NLRC3: variants seen among roughly 807,000 people sequenced by gnomAD.
NLRC3 encodes NLR family CARD domain containing 3.
A neutral mutation model predicts 91.6 loss-of-function variants in NLRC3; 87 were observed. The observed-to-expected ratio is 0.95, with a 90% CI of 0.80 to 1.14. NLRC3 has a LOEUF of 1.14. Ranked by LOEUF, NLRC3 falls within the 50% of genes most tolerant of loss-of-function variation. The probability of loss-of-function intolerance (pLI) is 0.00; values close to 1 mark genes in which losing one functional copy is unlikely to be tolerated. For synonymous variants in NLRC3, 694 were observed against 625.3 expected, an observed-to-expected ratio of 1.11 and a Z score of -1.64; for missense variants, 1,577 against 1,418.6, an observed-to-expected ratio of 1.11 and a Z score of -1.79.
rs1312049308 is a variant in NLRC3, at chr16:3,552,069, C to G, written c.2351+127G>C. The G allele has an allele frequency of 7.7e-6, 5 of 647,004 alleles. No homozygotes were observed. In the African/African-American group the frequency reaches 9.0e-5, roughly 12 times the overall value. 40.1% of individuals were successfully genotyped at this position (647,004 alleles called of 1,614,324 possible). ...CCTAGTCACCCATCCATCCATCCACCCACCCATCCATCCATTCACCTATCC... is the reference window on the plus strand; with the variant it reads ...CCTAGTCACCCATCCATCCATCCACGCACCCATCCATCCATTCACCTATCC... On this transcript the variant is annotated intron_variant, in intron 10 of 19. Coordinates refer to ENST00000359128, the MANE Select transcript of NLRC3 (RefSeq NM_178844.4).
chr16:3,568,731 GA>G (rs1231536184), intron 1 of NLRC3, among the ~76,000 whole-genome samples: 4 of 150,694 alleles, frequency 2.7e-5, no homozygotes, highest in Non-Finnish European at 5.9e-5. Flanking sequence ...TGTCTTAGGA[GA>G]AAAAAAAAGA....
chr16:3,574,007 CTTTTTTTTTTTTTTT>C (rs35126359), intron 1 of NLRC3, among the ~76,000 whole-genome samples: 8 of 40,412 alleles, frequency 2.0e-4, no homozygotes, highest in East Asian at 2.3e-3. Flanking sequence ...ACCATTTTAT[CTTTTTTTTTTTTTTT>C]TTTTTTTTTT....
intron 8 of NLRC3, among the ~76,000 whole-genome samples, chr16:3,554,556 G>C (rs922393500): frequency 6.6e-6 from 1 of 152,232 alleles, no homozygotes; most frequent in Non-Finnish European, 1.5e-5. Flanking sequence ...AGGTGCTTCT[G>C]CTCTCTGAAT....
In NLRC3 at chr16:3,541,887, C is replaced by G. The variant is rs368331294; in HGVS notation, c.3136G>C (p.Gly1046Arg). ...NLQGNHIGDS[G>R]ARMISEAIKT... Reference sequence around the variant, plus strand: ...ATGGCCTCTGAGATCATCCTGGCCCCGGAGTCCCCAATGTGGTTTCCCTGG... The same window carrying G: ...ATGGCCTCTGAGATCATCCTGGCCCGGGAGTCCCCAATGTGGTTTCCCTGG... The change falls in exon 20 of 20, where the codon GGG becomes CGG. Residue 1046 changes from glycine (G) to arginine (R), a missense_variant. By Grantham distance (125) the Gly-to-Arg change is moderately radical. Coordinates refer to ENST00000359128, the MANE Select transcript of NLRC3 (RefSeq NM_178844.4). The G allele has an allele frequency of 1.2e-6, 2 of 1,611,580 alleles. No homozygotes were observed. The highest frequency in any genetic ancestry group is 1.7e-6 in the Non-Finnish European group (2 of 1,178,392).
At chr16:3,562,508 G>A (rs771546681) in intron 5 of NLRC3, among the ~76,000 whole-genome samples, 96 of 152,266 alleles carry the variant, frequency 6.3e-4, no homozygotes, top group Non-Finnish European at 1.1e-3. Flanking sequence ...AGGCATGATG[G>A]CGGGCACCTG....
chr16:3,548,690 G>A lies in NLRC3; in HGVS notation c.2667C>T (p.Asn889=). ...CTCACTGAAGGGAGGTGAGGGTGCG[G>A]TTTTCTCTCACTGCCACTGCGATGG... ...ARAIAVAVRE[N]RTLTSLHLQW... Residue 889 remains asparagine (N), a synonymous_variant, in exon 14 of 20, where the codon AAC becomes AAT. Coordinates refer to ENST00000359128, the MANE Select transcript of NLRC3 (RefSeq NM_178844.4). 6.3e-7 allele frequency: 1 copy of A among 1,595,460 alleles called. No homozygotes were observed. Among genetic ancestry groups the A allele is most frequent in the Non-Finnish European group, 8.5e-7 (1 of 1,171,152 alleles).
rs1426381625 is a variant in NLRC3, at chr16:3,577,110, TC to T, written c.-169+38del. ...CCTTCCTGCCAGCATCCCTTCTCCC[TC>T]CCCTGCCCTGCACTGAGGTCACCTG... On this transcript the variant is annotated intron_variant, in intron 1 of 19. Coordinates refer to ENST00000359128, the MANE Select transcript of NLRC3 (RefSeq NM_178844.4). 17 of 702,836 alleles carry T rather than the reference TC, an allele frequency of 2.4e-5. No individual in the cohort carries two copies. The East Asian group carries it at 4.6e-4, about 19-fold the overall frequency. The allele number at this position is 702,836 out of a possible 1,614,324, so 43.5% of individuals were successfully genotyped here.
intron 9 of NLRC3, 126 bp downstream of exon 9, chr16:3,554,116 C>A (rs1395684203): frequency 1.5e-6 from 1 of 682,230 alleles, no homozygotes; most frequent in Admixed American, 2.4e-5. Context: ...CAGGGGCCAT[C>A]CAGATGGGTC....
chr16:3,562,300 T>C (rs899832584), intron 5 of NLRC3, among the ~76,000 whole-genome samples: 2 of 152,162 alleles, frequency 1.3e-5, no homozygotes, highest in Non-Finnish European at 2.9e-5. Flanking sequence ...GGGGCCATGC[T>C]GAAGTGGGGT....
intron 9 of NLRC3, among the ~76,000 whole-genome samples, chr16:3,553,509 C>T (rs1045383410): frequency 1.3e-5 from 2 of 152,144 alleles, no homozygotes; most frequent in Non-Finnish European, 2.9e-5. Context: ...TTAGGATAAA[C>T]GGCAAATGGT....
chr16:3,549,902 T>C (rs961732173), intron 11 of NLRC3, 122 bp from the exon 12 acceptor site: 4 of 631,636 alleles, frequency 6.3e-6, no homozygotes, highest in Non-Finnish European at 1.1e-5. Flanking sequence ...GGGACAGTGG[T>C]GGCCACACTG....
intron 6 of NLRC3, among the ~76,000 whole-genome samples, chr16:3,559,831 C>G (rs1024810831): frequency 6.6e-6 from 1 of 151,762 alleles, no homozygotes; most frequent in African/African-American, 2.4e-5. Flanking sequence ...TTAGTAGAGA[C>G]AGGGTTTTGC....
intron 5 of NLRC3, among the ~76,000 whole-genome samples, chr16:3,562,149 G>A (rs1369415506): frequency 1.3e-5 from 2 of 152,206 alleles, no homozygotes; most frequent in African/African-American, 2.4e-5. Context: ...CGGGTGTGCA[G>A]CTTCTATCAG....
Position 3,577,302 on chromosome 16 carries a change from G to C in NLRC3, c.-322C>G. The stretch of plus-strand genomic sequence containing the variant: ...CCTGAGTTCTCAGGACCAGGGATCA[G>C]GGCACTTACCACGCCAACCAACCAA... On this transcript the variant is annotated 5_prime_UTR_variant, in exon 1 of 20. Coordinates refer to ENST00000359128, the MANE Select transcript of NLRC3 (RefSeq NM_178844.4). The C allele has an allele frequency of 1.5e-6, 1 of 668,664 alleles. No individual in the cohort carries two copies. Among genetic ancestry groups the C allele is most frequent in the African/African-American group, 1.8e-5 (1 of 56,746 alleles). 41.4% of individuals were successfully genotyped at this position (668,664 alleles called of 1,614,324 possible).
chr16:3,541,645 C>T lies in NLRC3; in HGVS notation c.*180G>A. On this transcript the variant is annotated 3_prime_UTR_variant, in exon 20 of 20. Transcript: ENST00000359128. ...TCACCCCCTGCCTGGACCACTCCTG[C>T]AGCAGAAGAGGAGCTCACGACCTCC... 1.7e-6 allele frequency: 1 copy of T among 601,476 alleles called. No individual in the cohort carries two copies. The allele number at this position is 601,476 out of a possible 1,614,324, so 37.3% of individuals were successfully genotyped here.
intron 16 of NLRC3, 62 bp downstream of exon 16, chr16:3,544,184 T>A (rs1364685633): frequency 1.2e-4 from 99 of 836,256 alleles, no homozygotes; most frequent in Non-Finnish European, 1.7e-4. Flanking sequence ...AAAAAAGACC[T>A]CTAACGTGAA....
rs1421288297 is a variant in NLRC3, at chr16:3,569,328, A to T, written c.-168-2004T>A. On this transcript the variant is annotated intron_variant, in intron 1 of 19. Coordinates refer to ENST00000359128, the MANE Select transcript of NLRC3 (RefSeq NM_178844.4). The stretch of plus-strand genomic sequence containing the variant: ...GACACCATCTCAAAAAAAAAAAAAA[A>T]TTCTTCAGCAAGAAGAATTTTTATC... Among the ~76,000 whole-genome samples, 60 of 145,826 alleles carry T rather than the reference A, an allele frequency of 4.1e-4. No homozygotes were observed. The East Asian group carries it at 0.011, about 27-fold the overall frequency.
chr16:3,555,921 TAAAA>T (rs1345007863), intron 8 of NLRC3: 2 of 107,772 alleles, frequency 1.9e-5, no homozygotes, highest in Non-Finnish European at 1.9e-5. Flanking sequence ...TTCACCCTAA[TAAAA>T]ATAAATAAAT....
At chr16:3,554,381 T>C (rs1054021077) in intron 8 of NLRC3, 56 bp from the exon 9 acceptor site, 6 of 1,353,094 alleles carry the variant, frequency 4.4e-6, no homozygotes, top group Non-Finnish European at 5.3e-6. Context: ...AACCCAGGGG[T>C]CTGAACTCTC....
Sources: gnomAD v4.1 joint callset for allele counts (sites outside exome capture counted in the v4.1 genomes callset) on GRCh38, gnomAD v4.1.1 for gene constraint, MANE v1.5 for transcripts, NCBI Gene and HGNC (gene_info 2026-07-23, HGNC 2026-07-21) for gene names.